Variants in TAF15 observed in about 807,000 individuals in gnomAD.
The protein encoded by TAF15 is TATA-binding protein-associated factor 2N.
TAF15 carries 37 observed loss-of-function variants against 102.5 expected under a neutral mutation model. The observed-to-expected ratio is 0.36, with a 90% confidence interval of 0.28 to 0.47. The LOEUF is 0.47. Among genes scored for constraint, TAF15 ranks in the 20% least tolerant of loss-of-function variants. TAF15 has a pLI of 0.99. For missense variants in TAF15, 652 were observed against 760.7 expected (o/e 0.86, Z 1.68); for synonymous variants, 273 against 259.2 (o/e 1.05, Z -0.51).
intron 7 of TAF15, among the ~76,000 whole-genome samples, chr17:35,832,304 A>G (rs2087417117): frequency 6.6e-6 from 1 of 152,178 alleles, no homozygotes; most frequent in African/African-American, 2.4e-5. Context: ...CATATTGTCT[A>G]TATTGCCTTG....
At chr17:35,825,903 G>A (rs537640561) in intron 7 of TAF15, among the ~76,000 whole-genome samples, 17 of 151,868 alleles carry the variant, frequency 1.1e-4, no homozygotes, top group South Asian at 4.2e-4. Flanking sequence ...GCAGTGAGCC[G>A]AGATCGTGCC....
chr17:35,832,200 C>A (rs2087416060), intron 7 of TAF15, among the ~76,000 whole-genome samples: 1 of 152,154 alleles, frequency 6.6e-6, no homozygotes, highest in Non-Finnish European at 1.5e-5. Context: ...ATATACATGT[C>A]ATTTAGAAGT....
At chr17:35,836,332 G>A (rs936395419) in intron 10 of TAF15, 91 bp downstream of exon 10, 9 of 915,514 alleles carry the variant, frequency 9.8e-6, no homozygotes, top group African/African-American at 8.4e-5. Flanking sequence ...ACTTCAGTAC[G>A]CCTTGTCTCT....
chr17:35,836,273 ATAAT>A (rs1348074142), intron 10 of TAF15, 32 bp downstream of exon 10: 12 of 1,399,924 alleles, frequency 8.6e-6, no homozygotes, highest in Admixed American at 3.4e-5. Flanking sequence ...TGAAAATCTC[ATAAT>A]TAATGTTCTG....
chr17:35,822,281 C>T (rs1568252617), intron 5 of TAF15, among the ~76,000 whole-genome samples: 2 of 147,612 alleles, frequency 1.4e-5, no homozygotes, highest in Admixed American at 6.9e-5. Context: ...GTGGAGGTTG[C>T]GGTGAGCCAC....
At chr17:35,809,809 G>T in intron 1 of TAF15, 1 of 616,922 alleles carries the variant, frequency 1.6e-6, no homozygotes, top group East Asian at 2.8e-5. Flanking sequence ...TTTTGACCCT[G>T]TCCTTGGAAC....
At chr17:35,835,893 G>A (rs1014052140) in intron 9 of TAF15, among the ~76,000 whole-genome samples, 1 of 152,170 alleles carries the variant, frequency 6.6e-6, no homozygotes, top group African/African-American at 2.4e-5. Context: ...TTGGTATATA[G>A]GTATTTCACA....
intron 1 of TAF15, among the ~76,000 whole-genome samples, chr17:35,813,337 T>C (rs1329414328): frequency 6.6e-6 from 1 of 151,858 alleles, no homozygotes; most frequent in East Asian, 1.9e-4. Flanking sequence ...GGGGATAAGA[T>C]ATGAAAATGA....
rs1231187877 is a variant in TAF15 at position 35,841,443 on chromosome 17, T to C, written c.914-924T>C. On this transcript the variant is annotated intron_variant, in intron 11 of 15. Transcript: ENST00000605844. The stretch of plus-strand genomic sequence containing the variant: ...TTAGATACAGGTTTTAGTTTTTTTT[T>C]CCCCATGGGAACAGGTAGACATGTG... Among the ~76,000 whole-genome samples, 9 of 151,924 alleles carry C rather than the reference T, an allele frequency of 5.9e-5. No homozygotes were observed. The South Asian group carries it at 1.0e-3, about 17-fold the overall frequency.
chr17:35,839,796 A>T (rs547563321), intron 11 of TAF15, among the ~76,000 whole-genome samples: 1 of 152,098 alleles, frequency 6.6e-6, no homozygotes. Flanking sequence ...GTGTTTTAAG[A>T]TGTATCTTGT....
In TAF15 at chr17:35,844,951, G is replaced by C. The variant is rs2087605073; in HGVS notation, c.1652G>C (p.Gly551Ala). The C allele has an allele frequency of 2.5e-6, 4 of 1,613,204 alleles. No individual in the cohort carries two copies. The highest frequency in any genetic ancestry group is 3.4e-6 in the Non-Finnish European group (4 of 1,179,572). ...YGGDRSGGYG[G>A]DRSGGGYGGD... is the part of the protein sequence containing the mutation. ...GGAGACCGAAGTGGAGGCTATGGAG[G>C]AGACAGGAGTGGTGGCGGCTATGGA... Residue 551 changes from glycine to alanine, a missense_variant, in exon 15 of 16, where the codon GGA becomes GCA. Coordinates refer to ENST00000605844, the MANE Select transcript of TAF15 (RefSeq NM_139215.3).
intron 11 of TAF15, among the ~76,000 whole-genome samples, 153 bp from the exon 12 acceptor site, chr17:35,842,214 T>C (rs770953595): frequency 6.6e-6 from 1 of 152,192 alleles, no homozygotes; most frequent in Non-Finnish European, 1.5e-5. Context: ...AATGTCACTT[T>C]TAGCACTGTT....
intron 2 of TAF15, among the ~76,000 whole-genome samples, chr17:35,819,546 C>T (rs149213152): frequency 9.9e-5 from 15 of 152,252 alleles, no homozygotes; most frequent in Middle Eastern, 3.4e-3. Flanking sequence ...CTTCTAGTGC[C>T]TCCCTGTGCA....
chr17:35,829,549 G>A (rs1290234433), intron 7 of TAF15, among the ~76,000 whole-genome samples: 10 of 138,382 alleles, frequency 7.2e-5, no homozygotes, highest in South Asian at 2.5e-4. Context: ...GGAGAATGGC[G>A]TGAACCCAGG....
chr17:35,820,090 A>G lies in TAF15; in HGVS notation c.99+15A>G, dbSNP rs746142107. 1.2e-6 allele frequency: 2 copies of G among 1,613,908 alleles called. No individual in the cohort carries two copies. The highest frequency in any genetic ancestry group is 1.7e-6 in the Non-Finnish European group (2 of 1,179,912). ...AAGCATCACAAGTAGGTTGAAATATAAATTGTATTCTTCATAAGTAGTTAT... is the reference window on the plus strand; with the variant it reads ...AAGCATCACAAGTAGGTTGAAATATGAATTGTATTCTTCATAAGTAGTTAT... On this transcript the variant is annotated intron_variant, in intron 3 of 15. Transcript: ENST00000605844.
chr17:35,817,306 T>G, intron 1 of TAF15: 1 of 186,914 alleles, frequency 5.4e-6, no homozygotes, highest in Non-Finnish European at 1.1e-5. Context: ...GAATGGTGTA[T>G]ATCTTGGGGT....
At chr17:35,846,120 C>T (rs556587904) in intron 15 of TAF15, among the ~76,000 whole-genome samples, 22 of 152,160 alleles carry the variant, frequency 1.4e-4, no homozygotes, top group African/African-American at 2.2e-4. Flanking sequence ...TGTATGCCAG[C>T]GGCAATATAA....
chr17:35,824,632 G>A (rs898050319), intron 7 of TAF15, among the ~76,000 whole-genome samples: 1 of 152,326 alleles, frequency 6.6e-6, no homozygotes, highest in Non-Finnish European at 1.5e-5. Context: ...TTAGGAGGCA[G>A]TAATGGAGTA....
At chr17:35,846,312 T>C (rs2087622587) in intron 15 of TAF15, among the ~76,000 whole-genome samples, 2 of 152,250 alleles carry the variant, frequency 1.3e-5, no homozygotes, top group Admixed American at 1.3e-4. Context: ...TTTAGACTTG[T>C]ATTAGATTAC....
Sources: gnomAD v4.1 joint callset for allele counts (sites outside exome capture counted in the v4.1 genomes callset) on GRCh38, gnomAD v4.1.1 for gene constraint, MANE v1.5 for transcripts, NCBI Gene and HGNC (gene_info 2026-07-23, HGNC 2026-07-21) for gene names.